PREB: variants seen among roughly 807,000 people sequenced by gnomAD.
PREB encodes the protein prolactin regulatory element binding.
In PREB, 29 loss-of-function variants were observed where a neutral mutation model predicts 46.7. The ratio of observed to expected loss-of-function variants is 0.62; its 90% CI spans 0.46 to 0.85. The LOEUF (loss-of-function observed/expected upper bound fraction) is 0.85, where lower values mean the gene tolerates loss of function less well. Among genes scored for constraint, PREB ranks in the 40% least tolerant of loss-of-function variants. PREB has a pLI of 0.00. For synonymous variants in PREB, 224 were observed against 220.1 expected (o/e 1.02, Z -0.16); for missense variants, 494 against 528.4 (o/e 0.93, Z 0.64).
rs1393026512 is a variant in PREB, at chr2:27,131,148, A to T, written c.*266T>A. ...CAACTCTGGAGCCTCTGGTAGGCAGAAGAAAGGAGGCAGGGAGTATGGCCT... is the reference window on the plus strand; with the variant it reads ...CAACTCTGGAGCCTCTGGTAGGCAGTAGAAAGGAGGCAGGGAGTATGGCCT... On this transcript the variant is annotated 3_prime_UTR_variant, in exon 9 of 9. Coordinates refer to ENST00000260643, the MANE Select transcript of PREB (RefSeq NM_013388.6). The T allele has an allele frequency of 5.5e-6, 3 of 543,554 alleles. No individual in the cohort carries two copies. Among genetic ancestry groups the T allele is most frequent in the East Asian group, 3.1e-5 (1 of 31,940 alleles). 33.7% of individuals were successfully genotyped at this position (543,554 alleles called of 1,614,324 possible).
Position 27,132,866 on chromosome 2 carries a change from G to C in PREB, c.604C>G (p.Leu202Val). 6.2e-7 allele frequency: 1 copy of C among 1,613,812 alleles called. No individual in the cohort carries two copies. The highest frequency in any genetic ancestry group is 8.5e-7 in the Non-Finnish European group (1 of 1,179,952). Reference sequence around the variant, plus strand: ...ACCTTGCCATCAGGCCCTAAAGCCAGGTCTTCAATCTCCCCTTCGTGGGCT... The same window carrying C: ...ACCTTGCCATCAGGCCCTAAAGCCACGTCTTCAATCTCCCCTTCGTGGGCT... ...FKAHEGEIEDLALGPDGKLVT... is the reference protein window; with the variant it reads ...FKAHEGEIEDVALGPDGKLVT... Residue 202 changes from leucine (L) to valine (V), a missense_variant, in exon 4 of 9, where the codon CTG (leucine) becomes GTG (valine). Leu to Val is a conservative substitution (Grantham distance 32, BLOSUM62 1). Transcript: ENST00000260643. This position sits in a 1 kb window ranked among gnomAD's most constrained non-coding sequence, Gnocchi z 4.0.
chr2:27,132,423 C>CTATTCA lies in PREB; in HGVS notation c.753-26_753-21dup, dbSNP rs1400369800. 6.2e-7 allele frequency: 1 copy of CTATTCA among 1,604,994 alleles called. No individual in the cohort carries two copies. Among genetic ancestry groups the CTATTCA allele is most frequent in the African/African-American group, 1.3e-5 (1 of 74,724 alleles). ...CCAAACCTGGGGGCCGGATGAGGGG[C>CTATTCA]TATTCAGCTCCTAGGGCCTGCCCAA... On this transcript the variant is annotated intron_variant, in intron 5 of 8. Transcript: ENST00000260643. The surrounding 1 kb of genome is among the most constrained non-coding windows in gnomAD (Gnocchi z 4.0).
chr2:27,133,444 T>G, intron 2 of PREB, 88 bp downstream of exon 2: 2 of 1,593,544 alleles, frequency 1.3e-6, no homozygotes, highest in Non-Finnish European at 1.7e-6. Context: ...ACCAAAACCC[T>G]ACTTCCAGAC....
chr2:27,132,906 C>G lies in PREB; in HGVS notation c.564G>C (p.Lys188Asn), dbSNP rs775520759. The change falls in exon 4 of 9, where the codon AAG (lysine) becomes AAC (asparagine). Residue 188 changes from lysine to asparagine, a missense_variant. Coordinates refer to ENST00000260643, the MANE Select transcript of PREB (RefSeq NM_013388.6). The surrounding 1 kb of genome is among the most constrained non-coding windows in gnomAD (Gnocchi z 4.0). ...CTTCGTGGGCTTTGAACTCCAGAACCTTCTCCAGGCTGGGCACCTGTAGCC... is the reference window on the plus strand; with the variant it reads ...CTTCGTGGGCTTTGAACTCCAGAACGTTCTCCAGGCTGGGCACCTGTAGCC... ...VRVWKVPSLE[K>N]VLEFKAHEGE... The G allele has an allele frequency of 6.2e-7, 1 of 1,613,996 alleles. No homozygotes were observed. Among genetic ancestry groups the G allele is most frequent in the African/African-American group, 1.3e-5 (1 of 74,894 alleles).
In PREB at chr2:27,131,675, G is replaced by A. The variant is rs141285809; in HGVS notation, c.1156C>T (p.Arg386Trp). ...SRCQLHLLPS[R>W]RSVPVWLLLL... ...CTGCCCTGCCCCAATGACTCACGCC[G>A]TGAGGGCAACAGATGCAGCTGGCAA... Residue 386 changes from arginine to tryptophan, a missense_variant, in exon 8 of 9, where the codon CGG (arginine) becomes TGG (tryptophan). Transcript: ENST00000260643. 2.0e-5 allele frequency: 33 copies of A among 1,613,928 alleles called. 1 individual carries two copies. The highest frequency in any genetic ancestry group is 3.3e-5 in the South Asian group (3 of 91,080).
rs201697354 is a variant in PREB, at chr2:27,132,275, C to T, written c.881G>A (p.Arg294Gln). The T allele has an allele frequency of 1.5e-5, 25 of 1,613,990 alleles. No homozygotes were observed. The highest frequency in any genetic ancestry group is 2.2e-5 in the South Asian group (2 of 91,088). The change falls in exon 6 of 9, where the codon CGG (arginine) becomes CAG (glutamine). Residue 294 changes from arginine (R) to glutamine (Q), a missense_variant. By Grantham distance (43) the Arg-to-Gln change is conservative. Coordinates refer to ENST00000260643, the MANE Select transcript of PREB (RefSeq NM_013388.6). This position sits in a 1 kb window ranked among gnomAD's most constrained non-coding sequence, Gnocchi z 4.0. ...GACTTCATGGCCACAGGACTTGGTC[C>T]GAAGGGGCAAGAAGTTGGAGCCATC... ...AWDGSNFLPL[R>Q]TKSCGHEVVS...
Position 27,133,154 on chromosome 2 carries a change from GC to G in PREB, c.508del (p.Ala170ProfsTer35), listed in dbSNP as rs1672354620. The G allele has an allele frequency of 6.2e-7, 1 of 1,614,070 alleles. No homozygotes were observed. Among genetic ancestry groups the G allele is most frequent in the Non-Finnish European group, 8.5e-7 (1 of 1,180,042 alleles). ...VCFNHDNTLL[A>X]TGGTDGYVRV... Reference sequence around the variant, plus strand: ...GACGTAGCCATCTGTTCCTCCAGTGGCAAGCAGGGTATTATCGTGGTTGAAG... The same window carrying G: ...GACGTAGCCATCTGTTCCTCCAGTGGAAGCAGGGTATTATCGTGGTTGAAG... On this transcript the variant is annotated frameshift_variant, in exon 3 of 9. Coordinates refer to ENST00000260643, the MANE Select transcript of PREB (RefSeq NM_013388.6). LOFTEE classifies it high-confidence loss of function.
In PREB at chr2:27,131,348, T is replaced by C. The variant is rs1416371167; in HGVS notation, c.*66A>G. ...ACCCGAATGGAGTGAGCAAAGGGAG[T>C]CCAGGCCTCCACTCTGCTCTAGAGA... On this transcript the variant is annotated 3_prime_UTR_variant, in exon 9 of 9. Transcript: ENST00000260643. 7.2e-7 allele frequency: 1 copy of C among 1,394,144 alleles called. No homozygotes were observed. The highest frequency in any genetic ancestry group is 1.4e-5 in the African/African-American group (1 of 69,382). 86.4% of individuals were successfully genotyped at this position (1,394,144 alleles called of 1,614,324 possible).
Position 27,133,557 on chromosome 2 carries a change from C to CT in PREB, c.299dup (p.Gln101AlafsTer52), listed in dbSNP as rs778965604. 4 of 1,613,948 alleles carry CT rather than the reference C, an allele frequency of 2.5e-6. No individual in the cohort carries two copies. The highest frequency in any genetic ancestry group is 3.4e-6 in the Non-Finnish European group (4 of 1,179,870). Reference sequence around the variant, plus strand: ...CGGCCTTCTCTGCCTTGTTGCCCTGCTGTTGATGTGCCTGGAAGCGCAGGA... The same window carrying CT: ...CGGCCTTCTCTGCCTTGTTGCCCTGCTTGTTGATGTGCCTGGAAGCGCAGGA... On this transcript the variant is annotated frameshift_variant, in exon 2 of 9. Transcript: ENST00000260643. LOFTEE classifies it high-confidence loss of function.
In PREB at chr2:27,134,408, C is replaced by A. The variant is rs763584023; in HGVS notation, c.14G>T (p.Arg5Leu). The change falls in exon 1 of 9, where the codon CGG becomes CTG. Residue 5 changes from arginine to leucine, a missense_variant. Coordinates refer to ENST00000260643, the MANE Select transcript of PREB (RefSeq NM_013388.6). ...CGGAGCCCGGTACAGCTCTGGCGCC[C>A]GGCGCCGGCCCATCCCGCCCGGCGC... The part of the protein sequence containing the change: MGRR[R>L]APELYRAPFP... The A allele has an allele frequency of 1.3e-6, 2 of 1,587,316 alleles. No homozygotes were observed. Among genetic ancestry groups the A allele is most frequent in the Admixed American group, 3.6e-5 (2 of 56,262 alleles).
rs745366093 is a variant in PREB at position 27,130,778 on chromosome 2, T to C, written c.*636A>G. ...CCATTTGGGGTCTCAGTTCACTCTT[T>C]CCTTGTTTATTAAATATCAACTTTT... is the stretch of plus-strand genomic sequence containing the variant. On this transcript the variant is annotated 3_prime_UTR_variant, in exon 9 of 9. Coordinates refer to ENST00000260643, the MANE Select transcript of PREB (RefSeq NM_013388.6). The C allele has an allele frequency of 2.5e-6, 4 of 1,597,532 alleles. No homozygotes were observed. Among genetic ancestry groups the C allele is most frequent in the African/African-American group, 1.3e-5 (1 of 74,632 alleles).
Position 27,131,183 on chromosome 2 carries a change from A to C in PREB, c.*231T>G. 3.5e-6 allele frequency: 2 copies of C among 575,976 alleles called. No homozygotes were observed. Among genetic ancestry groups the C allele is most frequent in the East Asian group, 5.8e-5 (2 of 34,620 alleles). 35.7% of individuals were successfully genotyped at this position (575,976 alleles called of 1,614,324 possible). A position where few individuals can be genotyped will look rare whatever the true frequency, so the allele number is the denominator to read the frequency against. On this transcript the variant is annotated 3_prime_UTR_variant, in exon 9 of 9. Transcript: ENST00000260643. ...GCAGGGAGTATGGCCTGGGCTTCAG[A>C]TACCGCTGTTCTGGATGGATCCACA...
At chr2:27,134,073 G>T in intron 1 of PREB, 2 of 691,506 alleles carry the variant, frequency 2.9e-6, no homozygotes, top group Non-Finnish European at 2.4e-6. Context: ...CGACTCTGCA[G>T]CTGTGTGCAG....
At chr2:27,134,223 C>G in intron 1 of PREB, 64 bp downstream of exon 1, 3 of 1,468,914 alleles carry the variant, frequency 2.0e-6, no homozygotes, top group South Asian at 2.7e-5. Context: ...CGCGACCCCC[C>G]GGCCACCCTG....
At position 27,132,805 on chromosome 2, in the gene PREB, C is replaced by G; in HGVS notation, c.627+38G>C. On this transcript the variant is annotated intron_variant, in intron 4 of 8. Transcript: ENST00000260643. This position sits in a 1 kb window ranked among gnomAD's most constrained non-coding sequence, Gnocchi z 4.0. ...GGCAAGCAGCATAAGCACCTCCTCT[C>G]TCCTTTCTCCATCCTCCTCCCACCC... 2 of 1,609,614 alleles carry G rather than the reference C, an allele frequency of 1.2e-6. No homozygotes were observed. The highest frequency in any genetic ancestry group is 1.7e-6 in the Non-Finnish European group (2 of 1,179,532).
In PREB at chr2:27,131,133, G is replaced by C; in HGVS notation, c.*281C>G. ...AGATAAGGACAAGCTCAACTCTGGA[G>C]CCTCTGGTAGGCAGAAGAAAGGAGG... On this transcript the variant is annotated 3_prime_UTR_variant, in exon 9 of 9. Transcript: ENST00000260643. 1 of 532,512 alleles carries C rather than the reference G, an allele frequency of 1.9e-6. No homozygotes were observed. The highest frequency in any genetic ancestry group is 3.3e-5 in the Admixed American group (1 of 30,270). 33.0% of individuals were successfully genotyped at this position (532,512 alleles called of 1,614,324 possible).
In PREB at chr2:27,133,729, AG is replaced by A; in HGVS notation, c.136-9del. ...CTCTAGCTGCAGAAAGTGCTGTGGGAGGGGGAACCCGGATGAGCAAGTTCAG... is the reference window on the plus strand; with the variant it reads ...CTCTAGCTGCAGAAAGTGCTGTGGGAGGGGAACCCGGATGAGCAAGTTCAG... On this transcript the variant is annotated splice_polypyrimidine_tract_variant and intron_variant, in intron 1 of 8. Coordinates refer to ENST00000260643, the MANE Select transcript of PREB (RefSeq NM_013388.6). The A allele has an allele frequency of 6.2e-7, 1 of 1,613,202 alleles. No homozygotes were observed. The highest frequency in any genetic ancestry group is 1.7e-4 in the Middle Eastern group (1 of 6,038).
chr2:27,131,207 C>CAG lies in PREB; in HGVS notation c.*205_*206dup, dbSNP rs1672247204. On this transcript the variant is annotated 3_prime_UTR_variant, in exon 9 of 9. Transcript: ENST00000260643. ...GATACCGCTGTTCTGGATGGATCCA[C>CAG]AGATGACGAAGGCAAGGTTCCTGGG... The CAG allele has an allele frequency of 1.7e-6, 1 of 603,684 alleles. No individual in the cohort carries two copies. The highest frequency in any genetic ancestry group is 2.9e-6 in the Non-Finnish European group (1 of 341,394). The allele number at this position is 603,684 out of a possible 1,614,324, so 37.4% of individuals were successfully genotyped here.
In PREB at chr2:27,131,819, C is replaced by A; in HGVS notation, c.1012G>T (p.Val338Leu). 1 of 1,613,956 alleles carries A rather than the reference C, an allele frequency of 6.2e-7. No individual in the cohort carries two copies. The highest frequency in any genetic ancestry group is 1.1e-5 in the South Asian group (1 of 91,068). Residue 338 changes from valine to leucine, a missense_variant, in exon 8 of 9, where the codon GTG (valine) becomes TTG (leucine). Coordinates refer to ENST00000260643, the MANE Select transcript of PREB (RefSeq NM_013388.6). ...IAFSLQCLYY[V>L]REAHGIVVTD... The stretch of plus-strand genomic sequence containing the variant: ...ACCACAATGCCATGGGCCTCCCTCA[C>A]GTAGTAGAGGCACTGTGGGCAGAAG...
Sources: gnomAD v4.1 joint callset for allele counts on GRCh38, gnomAD v4.1.1 for gene constraint, Gnocchi (gnomAD v3.1) non-coding constraint, MANE v1.5 for transcripts, NCBI Gene and HGNC (gene_info 2026-07-23, HGNC 2026-07-21) for gene names.